Variants in LIMS2 observed in about 807,000 individuals in gnomAD.
The protein encoded by LIMS2 is LIM and senescent cell antigen-like-containing domain protein 2.
A neutral mutation model predicts 45.3 loss-of-function variants in LIMS2; 30 were observed. That is an observed-to-expected ratio of 0.66 (90% CI 0.50 to 0.90). The LOEUF (loss-of-function observed/expected upper bound fraction) is 0.90. Ranked by LOEUF, LIMS2 falls within the 40% of genes least tolerant of loss-of-function variation. The pLI, the probability that LIMS2 is intolerant of heterozygous loss-of-function variation, is 0.00. For synonymous variants in LIMS2, 173 were observed against 188.0 expected, an observed-to-expected ratio of 0.92 and a Z score of 0.65; for missense variants, 485 against 468.7, an observed-to-expected ratio of 1.03 and a Z score of -0.32.
chr2:127,652,086 C>T (rs1163676610), intron 4 of LIMS2: 3 of 346,042 alleles, frequency 8.7e-6, no homozygotes, highest in East Asian at 5.4e-5. Context: ...GCCTCCTTCC[C>T]GCTACAGAAT....
At chr2:127,657,679 G>A in intron 1 of LIMS2, 117 bp from the exon 2 acceptor site, 1 of 1,157,138 alleles carries the variant, frequency 8.6e-7, no homozygotes, top group Non-Finnish European at 1.2e-6. Context: ...ACGCTCTGCA[G>A]GATCAGGAAA....
At chr2:127,651,622 T>C (rs376195295) in intron 4 of LIMS2, 11 of 1,613,458 alleles carry the variant, frequency 6.8e-6, no homozygotes, top group Non-Finnish European at 8.5e-6. Flanking sequence ...GACCCCATCA[T>C]GTATTTCTTC....
At chr2:127,661,524 CAAGA>C (rs897226782) in intron 1 of LIMS2, among the ~76,000 whole-genome samples, 3 of 152,188 alleles carry the variant, frequency 2.0e-5, no homozygotes, top group African/African-American at 7.2e-5. Flanking sequence ...CACATTCCTT[CAAGA>C]TAGAGAGCAC....
At chr2:127,674,937 C>A (rs140650322) in intron 1 of LIMS2, 77 bp downstream of exon 1, 3 of 1,224,130 alleles carry the variant, frequency 2.5e-6, no homozygotes, top group African/African-American at 3.1e-5. Flanking sequence ...CGGGGCTGTA[C>A]GAGGGCGAGC....
intron 6 of LIMS2, 121 bp downstream of exon 6, chr2:127,641,928 C>T (rs1558868237): frequency 5.8e-6 from 7 of 1,213,530 alleles, no homozygotes; most frequent in Non-Finnish European, 5.6e-6. Context: ...GAGGAAGGGC[C>T]TCGTTGGGAG....
Position 127,667,222 on chromosome 2 carries a change from C to A in LIMS2, c.11+7792G>T, listed in dbSNP as rs371717189. Among the ~76,000 whole-genome samples the A allele has an allele frequency of 6.6e-6, 1 of 152,092 alleles. No homozygotes were observed. The highest frequency in any genetic ancestry group is 1.5e-5 in the Non-Finnish European group (1 of 68,012). ...AGGAGAATCACTTGAACCTGGAAGG[C>A]GGAGGTTGCAGTGAGCTGAGATCAC... On this transcript the variant is annotated intron_variant, in intron 1 of 9. Coordinates refer to ENST00000355119, the MANE Select transcript of LIMS2 (RefSeq NM_001161403.3). This position sits in a 1 kb window ranked among gnomAD's most constrained non-coding sequence, Gnocchi z 4.1.
rs1684865429 is a variant in LIMS2, at chr2:127,664,233, A to G, written c.12-6671T>C. 1 of 1,178,076 alleles carries G rather than the reference A, an allele frequency of 8.5e-7. No homozygotes were observed. The highest frequency in any genetic ancestry group is 1.1e-6 in the Non-Finnish European group (1 of 947,458). 73.0% of individuals were successfully genotyped at this position (1,178,076 alleles called of 1,614,324 possible). ...TCGGAGGGCCCCGGTCGGGTTTCCG[A>G]GGGAAGGCCTGCCCTGCCGCCGCAG... On this transcript the variant is annotated intron_variant, in intron 1 of 9. Coordinates refer to ENST00000355119, the MANE Select transcript of LIMS2 (RefSeq NM_001161403.3). The surrounding 1 kb of genome is among the most constrained non-coding windows in gnomAD (Gnocchi z 5.5).
rs1684864272 is a variant in LIMS2 at position 127,664,222 on chromosome 2, T to G, written c.12-6660A>C. The stretch of plus-strand genomic sequence containing the variant: ...AGCCCACGGCGTCGGAGGGCCCCGG[T>G]CGGGTTTCCGAGGGAAGGCCTGCCC... On this transcript the variant is annotated intron_variant, in intron 1 of 9. Coordinates refer to ENST00000355119, the MANE Select transcript of LIMS2 (RefSeq NM_001161403.3). The surrounding 1 kb of genome is among the most constrained non-coding windows in gnomAD (Gnocchi z 5.5). The G allele has an allele frequency of 1.8e-5, 20 of 1,129,330 alleles. No homozygotes were observed. The highest frequency in any genetic ancestry group is 2.2e-5 in the Non-Finnish European group (20 of 906,902). 70.0% of individuals were successfully genotyped at this position (1,129,330 alleles called of 1,614,324 possible).
chr2:127,639,573 GC>G, intron 9 of LIMS2, 145 bp from the exon 10 acceptor site: 1 of 968,070 alleles, frequency 1.0e-6, no homozygotes, highest in Non-Finnish European at 1.5e-6. Flanking sequence ...GGGTGAGATG[GC>G]CAGAGAGCAT....
chr2:127,650,212 G>A, intron 4 of LIMS2: 1 of 747,554 alleles, frequency 1.3e-6, no homozygotes, highest in Admixed American at 2.3e-5. Context: ...CTGCACCTGT[G>A]GGCAGGTGGG....
intron 1 of LIMS2, among the ~76,000 whole-genome samples, chr2:127,662,920 C>T (rs913962069): frequency 6.6e-6 from 1 of 152,218 alleles, no homozygotes; most frequent in African/African-American, 2.4e-5. Flanking sequence ...TTTTTTGAAG[C>T]CCTTGCCATA....
Position 127,653,761 on chromosome 2 carries a change from G to A in LIMS2, c.359+663C>T, listed in dbSNP as rs1285358065. On this transcript the variant is annotated intron_variant, in intron 4 of 9. Transcript: ENST00000355119. This position sits in a 1 kb window ranked among gnomAD's most constrained non-coding sequence, Gnocchi z 5.3. ...GGCAGATGAGGCCAGGGTAGCACACGCGAGGGGCAGCGGGTGTGCTGGGAG... is the reference window on the plus strand; with the variant it reads ...GGCAGATGAGGCCAGGGTAGCACACACGAGGGGCAGCGGGTGTGCTGGGAG... Among the ~76,000 whole-genome samples, 3 of 152,082 alleles carry A rather than the reference G, an allele frequency of 2.0e-5. No individual in the cohort carries two copies. The highest frequency in any genetic ancestry group is 1.9e-4 in the East Asian group (1 of 5,178).
chr2:127,660,280 A>C (rs1288666808), intron 1 of LIMS2, among the ~76,000 whole-genome samples: 3 of 152,206 alleles, frequency 2.0e-5, no homozygotes, highest in African/African-American at 4.8e-5. Context: ...AAATAAGGGA[A>C]TAAAACCAGG....
intron 1 of LIMS2, among the ~76,000 whole-genome samples, chr2:127,665,025 C>T (rs973592403): frequency 6.6e-5 from 10 of 152,188 alleles, no homozygotes; most frequent in African/African-American, 2.4e-4. Context: ...AGGCAATCCT[C>T]CAGCTTCCAG....
chr2:127,640,217 C>T, intron 8 of LIMS2, 53 bp downstream of exon 8: 2 of 1,612,572 alleles, frequency 1.2e-6, no homozygotes, highest in Admixed American at 3.3e-5. Context: ...ACAGCTGCAG[C>T]ACCCAGGCCC....
At chr2:127,650,051 C>A in intron 4 of LIMS2, 1 of 1,608,160 alleles carries the variant, frequency 6.2e-7, no homozygotes, top group Non-Finnish European at 8.5e-7. Context: ...CAGAAAGCCC[C>A]CAAGAGAGAT....
chr2:127,647,494 A>G lies in LIMS2; in HGVS notation c.360-4422T>C, dbSNP rs1376415212. Among the ~76,000 whole-genome samples the G allele has an allele frequency of 1.3e-5, 2 of 152,150 alleles. No homozygotes were observed. Among genetic ancestry groups the G allele is most frequent in the African/African-American group, 4.8e-5 (2 of 41,428 alleles). ...GGCAGGCCCCCACCATGCCAGGCAG[A>G]GTGGTCAGTCGTACCTATGAGCTGC... On this transcript the variant is annotated intron_variant, in intron 4 of 9. Transcript: ENST00000355119. This position sits in a 1 kb window ranked among gnomAD's most constrained non-coding sequence, Gnocchi z 4.3.
At chr2:127,673,801 G>A (rs1423218624) in intron 1 of LIMS2, 67 of 1,497,492 alleles carry the variant, frequency 4.5e-5, no homozygotes, top group Non-Finnish European at 5.3e-5. Flanking sequence ...AGGAAAATGG[G>A]AGGCAGCCCC....
chr2:127,657,230 G>T (rs2105302579), intron 2 of LIMS2, among the ~76,000 whole-genome samples, 173 bp downstream of exon 2: 1 of 152,250 alleles, frequency 6.6e-6, no homozygotes, highest in East Asian at 1.9e-4. Flanking sequence ...CTGGGGTGCT[G>T]TTCACATCTC....
Sources: gnomAD v4.1 joint callset for allele counts (sites outside exome capture counted in the v4.1 genomes callset) on GRCh38, gnomAD v4.1.1 for gene constraint, Gnocchi (gnomAD v3.1) non-coding constraint, MANE v1.5 for transcripts, NCBI Gene and HGNC (gene_info 2026-07-23, HGNC 2026-07-21) for gene names.